Variants in ADD3 observed in about 807,000 individuals in gnomAD.
ADD3 encodes the protein gamma-adducin.
Under a neutral mutation model 80.2 loss-of-function variants are expected in ADD3, and 25 were observed. That is an observed-to-expected ratio of 0.31 (90% CI 0.23 to 0.44). The LOEUF is 0.44. Among genes scored for constraint, ADD3 ranks in the 20% least tolerant of loss-of-function variants. ADD3 has a pLI of 1.00. For missense variants in ADD3, 829 were observed against 847.5 expected (o/e 0.98, Z 0.27); for synonymous variants, 284 against 289.6 (o/e 0.98, Z 0.20).
At chr10:110,074,934 A>G (rs1845214330) in intron 1 of ADD3, among the ~76,000 whole-genome samples, 1 of 152,178 alleles carries the variant, frequency 6.6e-6, no homozygotes, top group Non-Finnish European at 1.5e-5. Flanking sequence ...GTTACCCTAG[A>G]AGATTGGATC....
At chr10:110,122,799 T>A (rs962685617) in intron 9 of ADD3, among the ~76,000 whole-genome samples, 6 of 151,956 alleles carry the variant, frequency 3.9e-5, no homozygotes, top group Non-Finnish European at 5.9e-5. Context: ...TTTATTTTTT[T>A]TTTTTTACTT....
chr10:110,017,112 G>A (rs376243430), intron 1 of ADD3, among the ~76,000 whole-genome samples: 5 of 152,252 alleles, frequency 3.3e-5, no homozygotes, highest in South Asian at 2.1e-4. Flanking sequence ...GCCCAAGATC[G>A]TACCGTTAAC....
intron 11 of ADD3, 112 bp downstream of exon 11, chr10:110,126,057 T>G: frequency 8.8e-7 from 1 of 1,140,620 alleles, no homozygotes; most frequent in Non-Finnish European, 1.2e-6. Flanking sequence ...ACAGAAGAAT[T>G]TGGAATTTAA....
At chr10:110,132,238 C>A in intron 13 of ADD3, 67 bp from the exon 14 acceptor site, 1 of 1,108,466 alleles carries the variant, frequency 9.0e-7, no homozygotes, top group Non-Finnish European at 1.4e-6. Flanking sequence ...TATGCACTAA[C>A]CTCCCTAAAA....
At chr10:110,058,881 T>A (rs1858535053) in intron 1 of ADD3, among the ~76,000 whole-genome samples, 1 of 152,238 alleles carries the variant, frequency 6.6e-6, no homozygotes, top group Non-Finnish European at 1.5e-5. Flanking sequence ...GTCATATTAC[T>A]GTTAAATTAT....
chr10:110,115,040 C>G (rs1408169511), intron 3 of ADD3, among the ~76,000 whole-genome samples: 1 of 146,166 alleles, frequency 6.8e-6, no homozygotes, highest in Non-Finnish European at 1.5e-5. Flanking sequence ...GATCACACCA[C>G]TGCATTGCAG....
chr10:110,024,779 T>A (rs953864966), intron 1 of ADD3, among the ~76,000 whole-genome samples: 4 of 152,184 alleles, frequency 2.6e-5, no homozygotes, highest in African/African-American at 4.8e-5. Flanking sequence ...AACTTACTAT[T>A]TGAATCAAAT....
At chr10:110,012,844 C>T (rs542376351) in intron 1 of ADD3, among the ~76,000 whole-genome samples, 15 of 152,228 alleles carry the variant, frequency 9.9e-5, no homozygotes, top group Middle Eastern at 3.4e-3. Flanking sequence ...AGCCATCCTC[C>T]CACCTCAGCC....
intron 2 of ADD3, chr10:110,112,120 CTCTG>C (rs1453041028): frequency 6.6e-6 from 1 of 152,116 alleles, no homozygotes; most frequent in South Asian, 2.1e-4. Flanking sequence ...CACATGGGAA[CTCTG>C]TCTTTTTTTT....
intron 1 of ADD3, among the ~76,000 whole-genome samples, chr10:110,088,838 C>T (rs535986478): frequency 6.6e-5 from 10 of 152,118 alleles, no homozygotes; most frequent in South Asian, 6.2e-4. Flanking sequence ...TTTCCCCCAC[C>T]GTGGCACGTC....
At position 110,027,386 on chromosome 10, in the gene ADD3, C is replaced by A. The variant is rs571224036; in HGVS notation, c.-30+19087C>A. ...CCTGAAATAGTACTGTTCTCTCCACCCCAAAATGTGAGCCATATATGTAAT... is the reference window on the plus strand; with the variant it reads ...CCTGAAATAGTACTGTTCTCTCCACACCAAAATGTGAGCCATATATGTAAT... On this transcript the variant is annotated intron_variant, in intron 1 of 14. Transcript: ENST00000356080. Among the ~76,000 whole-genome samples, 22 of 152,186 alleles carry A rather than the reference C, an allele frequency of 1.4e-4. No homozygotes were observed. In the East Asian group the frequency reaches 2.3e-3, roughly 16 times the overall value.
chr10:110,015,070 TC>T (rs1336495677), intron 1 of ADD3, among the ~76,000 whole-genome samples: 1 of 152,172 alleles, frequency 6.6e-6, no homozygotes, highest in Admixed American at 6.5e-5. Flanking sequence ...AGATGGGGTT[TC>T]ACCATGTTGG....
chr10:110,085,636 A>G (rs1323394436), intron 1 of ADD3, among the ~76,000 whole-genome samples: 1 of 152,236 alleles, frequency 6.6e-6, no homozygotes, highest in Non-Finnish European at 1.5e-5. Context: ...GTGAGCTATC[A>G]GGTGACCTCA....
At chr10:110,070,639 C>G (rs1414062537) in intron 1 of ADD3, among the ~76,000 whole-genome samples, 1 of 152,082 alleles carries the variant, frequency 6.6e-6, no homozygotes, top group Non-Finnish European at 1.5e-5. Context: ...GTTACACCTT[C>G]TATCATGCCA....
chr10:110,059,823 G>T (rs1858669525), intron 1 of ADD3, among the ~76,000 whole-genome samples: 1 of 152,114 alleles, frequency 6.6e-6, no homozygotes, highest in Non-Finnish European at 1.5e-5. Flanking sequence ...TTTCTCAAAG[G>T]CCAAAGTTGG....
chr10:110,072,282 G>C (rs535669001), intron 1 of ADD3, among the ~76,000 whole-genome samples: 304 of 152,220 alleles, frequency 2.0e-3, no homozygotes, highest in Non-Finnish European at 3.4e-3. Flanking sequence ...AGCCAGGATG[G>C]TCTCAATCTC....
intron 1 of ADD3, among the ~76,000 whole-genome samples, chr10:110,032,539 C>A (rs1855167539): frequency 6.6e-6 from 1 of 152,154 alleles, no homozygotes; most frequent in Non-Finnish European, 1.5e-5. Flanking sequence ...TGTACATGTA[C>A]ATGCATATTG....
chr10:110,008,908 C>G (rs1295948305), intron 1 of ADD3, among the ~76,000 whole-genome samples: 1 of 152,152 alleles, frequency 6.6e-6, no homozygotes, highest in Non-Finnish European at 1.5e-5. Flanking sequence ...GTTGAGCTTC[C>G]TGCTAGGGGT....
chr10:110,066,596 A>G (rs372451664), intron 1 of ADD3, among the ~76,000 whole-genome samples: 9 of 151,984 alleles, frequency 5.9e-5, no homozygotes, highest in South Asian at 2.1e-4. Flanking sequence ...TTTTTGGTCA[A>G]TCTTTTAACT....
Sources: gnomAD v4.1 joint callset for allele counts (sites outside exome capture counted in the v4.1 genomes callset) on GRCh38, gnomAD v4.1.1 for gene constraint, MANE v1.5 for transcripts, NCBI Gene and HGNC (gene_info 2026-07-23, HGNC 2026-07-21) for gene names.